The following CTNNA3 variants were observed in gnomAD, a reference collection of about 807,000 sequenced individuals.
CTNNA3 encodes the protein catenin alpha-3.
A neutral mutation model predicts 95.7 loss-of-function variants in CTNNA3; 76 were observed. The observed-to-expected ratio is 0.79, with a 90% CI of 0.66 to 0.96. The LOEUF is 0.96. CTNNA3 is among the 40% of genes least tolerant of loss of function. The probability of loss-of-function intolerance (pLI) is 0.00; values close to 1 mark genes in which losing one functional copy is unlikely to be tolerated. For synonymous variants in CTNNA3, 431 were observed against 374.4 expected (o/e 1.15, Z -1.74); for missense variants, 1,191 against 1,089.8 (o/e 1.09, Z -1.31).
At chr10:67,558,023 A>C (rs1468713343) in intron 3 of CTNNA3, among the ~76,000 whole-genome samples, 1 of 152,206 alleles carries the variant, frequency 6.6e-6, no homozygotes, top group Non-Finnish European at 1.5e-5. Context: ...TCTTTTTTGC[A>C]GAACCTAAGC....
chr10:66,518,861 A>G (rs1463497941), intron 11 of CTNNA3, among the ~76,000 whole-genome samples: 2 of 152,008 alleles, frequency 1.3e-5, no homozygotes, highest in Non-Finnish European at 2.9e-5. Context: ...TTTTGATTCT[A>G]TAAAAATAAA....
At chr10:66,775,915 G>T (rs780400873) in intron 7 of CTNNA3, among the ~76,000 whole-genome samples, 3 of 152,088 alleles carry the variant, frequency 2.0e-5, no homozygotes, top group Non-Finnish European at 4.4e-5. Flanking sequence ...CATTTCCATG[G>T]TGTATTGTGT....
intron 7 of CTNNA3, among the ~76,000 whole-genome samples, chr10:67,163,573 T>C (rs1861640416): frequency 6.6e-6 from 1 of 152,008 alleles, no homozygotes; most frequent in Admixed American, 6.6e-5. Flanking sequence ...AAAGCAAGGA[T>C]ATCAGCTCTC....
chr10:66,612,949 A>C (rs191495373), intron 10 of CTNNA3, among the ~76,000 whole-genome samples: 105 of 152,032 alleles, frequency 6.9e-4, no homozygotes, highest in Non-Finnish European at 1.2e-3. Flanking sequence ...TGGATAATAA[A>C]TTTTCAATTT....
chr10:66,689,246 A>AT (rs1454110567), intron 9 of CTNNA3, among the ~76,000 whole-genome samples: 3 of 152,008 alleles, frequency 2.0e-5, no homozygotes, highest in Admixed American at 6.6e-5. Context: ...TGGTATAAAA[A>AT]TTTTTTTTGA....
intron 17 of CTNNA3, among the ~76,000 whole-genome samples, chr10:65,961,792 C>A (rs189957725): frequency 2.0e-5 from 3 of 151,764 alleles, no homozygotes; most frequent in African/African-American, 7.3e-5. Context: ...AAGGGACCTT[C>A]TGGAAGGTCC....
chr10:66,609,884 T>G (rs150099324), intron 10 of CTNNA3, among the ~76,000 whole-genome samples: 152 of 152,156 alleles, frequency 1.0e-3, no homozygotes, highest in African/African-American at 3.6e-3. Context: ...ATAAAGAAAA[T>G]GTGGTACATA....
chr10:66,352,324 A>G (rs897177801), intron 12 of CTNNA3, among the ~76,000 whole-genome samples: 7 of 152,132 alleles, frequency 4.6e-5, no homozygotes, highest in African/African-American at 1.7e-4. Flanking sequence ...AGGAACATAC[A>G]CAATGAACTA....
Position 66,123,518 on chromosome 10 carries a change from A to T in CTNNA3, c.1885-20269T>A, listed in dbSNP as rs2082678404. On this transcript the variant is annotated intron_variant, in intron 13 of 17. Coordinates refer to ENST00000433211, the MANE Select transcript of CTNNA3 (RefSeq NM_013266.4). ...GATCTACCATTCTGGGGTCTGGAGG[A>T]TGGTGGCCCTCTTCTCACAGATCCA... 2.0e-5 allele frequency among the ~76,000 whole-genome samples: 3 copies of T among 152,102 alleles called. No individual in the cohort carries two copies. In the South Asian group the frequency reaches 6.2e-4, roughly 32 times the overall value.
At chr10:66,682,295 A>G (rs2132504828) in intron 9 of CTNNA3, among the ~76,000 whole-genome samples, 1 of 152,302 alleles carries the variant, frequency 6.6e-6, no homozygotes, top group Non-Finnish European at 1.5e-5. Context: ...TCCCCAAACC[A>G]ATTAATCTTT....
intron 5 of CTNNA3, among the ~76,000 whole-genome samples, chr10:67,388,070 G>C (rs577161611): frequency 1.2e-3 from 174 of 151,062 alleles, no homozygotes; most frequent in African/African-American, 3.9e-3. Flanking sequence ...GAATGACTTT[G>C]ACGAGCTGAG....
intron 1 of CTNNA3, among the ~76,000 whole-genome samples, chr10:67,723,009 C>CA (rs1841189064): frequency 8.0e-6 from 1 of 125,288 alleles, no homozygotes; most frequent in South Asian, 2.5e-4. Flanking sequence ...TTTTTTGAGA[C>CA]AGAGTCTCAC....
intron 1 of CTNNA3, among the ~76,000 whole-genome samples, chr10:67,759,690 T>G (rs537816671): frequency 6.6e-6 from 1 of 152,268 alleles, no homozygotes; most frequent in South Asian, 2.1e-4. Context: ...TATATAAAAC[T>G]CCATTGTAGC....
intron 5 of CTNNA3, among the ~76,000 whole-genome samples, chr10:67,372,902 A>C (rs998607580): frequency 2.6e-5 from 4 of 152,180 alleles, no homozygotes; most frequent in African/African-American, 9.7e-5. Context: ...GGAGAAATAA[A>C]ATACTTTATA....
intron 13 of CTNNA3, among the ~76,000 whole-genome samples, chr10:66,241,632 C>G (rs1264866494): frequency 6.7e-6 from 1 of 149,284 alleles, no homozygotes; most frequent in African/African-American, 2.5e-5. Context: ...AACATCCCCC[C>G]ACCCCCAGCC....
At position 66,347,873 on chromosome 10, in the gene CTNNA3, G is replaced by A. The variant is rs189218381; in HGVS notation, c.1732+31279C>T. Among the ~76,000 whole-genome samples, 313 of 152,062 alleles carry A rather than the reference G, an allele frequency of 2.1e-3. 1 individual carries two copies. The highest frequency in any genetic ancestry group is 3.5e-3 in the Non-Finnish European group (238 of 67,934). On this transcript the variant is annotated intron_variant, in intron 12 of 17. Transcript: ENST00000433211. ...ATGTATACTGTCACATGCTCAGGAC[G>A]AGATAATCGAGATAATAGAATAAAT... is the stretch of plus-strand genomic sequence containing the variant.
chr10:66,373,248 T>C (rs944321671), intron 12 of CTNNA3, among the ~76,000 whole-genome samples: 1 of 152,274 alleles, frequency 6.6e-6, no homozygotes, highest in Non-Finnish European at 1.5e-5. Flanking sequence ...TTCATTTACT[T>C]AAAATGGCAA....
Position 66,129,677 on chromosome 10 carries a change from C to T in CTNNA3, c.1885-26428G>A, listed in dbSNP as rs190360475. Among the ~76,000 whole-genome samples, 500 of 152,188 alleles carry T rather than the reference C, an allele frequency of 3.3e-3. 8 individuals are homozygous for T. Among genetic ancestry groups the T allele is most frequent in the African/African-American group, 0.011 (477 of 41,510 alleles). ...TGCTTGCAGTGCAGCCCCCAGGTAC[C>T]TGTGGGTGTCTGCATCATAGCTCCT... On this transcript the variant is annotated intron_variant, in intron 13 of 17. Coordinates refer to ENST00000433211, the MANE Select transcript of CTNNA3 (RefSeq NM_013266.4).
intron 7 of CTNNA3, among the ~76,000 whole-genome samples, chr10:66,960,860 G>A (rs917128661): frequency 6.6e-6 from 1 of 152,130 alleles, no homozygotes; most frequent in Non-Finnish European, 1.5e-5. Context: ...TAAAGCATAG[G>A]AGAAGGAAAG....
Sources: allele counts gnomAD v4.1 joint callset (sites outside exome capture counted in the v4.1 genomes callset), GRCh38; gene constraint gnomAD v4.1.1; transcripts MANE v1.5; gene names NCBI Gene and HGNC (gene_info 2026-07-23, HGNC 2026-07-21).